The following ZIM2 variants were observed in gnomAD, a reference collection of about 807,000 sequenced individuals.
ZIM2 encodes the protein zinc finger imprinted 2.
Under a neutral mutation model 38.6 loss-of-function variants are expected in ZIM2, and 14 were observed. That is an observed-to-expected ratio of 0.36 (90% CI 0.24 to 0.57). The LOEUF is 0.57. Among genes scored for constraint, ZIM2 ranks in the 20% least tolerant of loss-of-function variants. ZIM2 has a pLI of 0.81. For synonymous variants in ZIM2, 247 were observed against 245.8 expected (o/e 1.00, Z -0.04); for missense variants, 680 against 695.1 (o/e 0.98, Z 0.24).
intron 9 of ZIM2, chr19:56,811,212 T>C (rs920045936): frequency 6.7e-5 from 65 of 969,940 alleles, no homozygotes; most frequent in Admixed American, 6.2e-5. Flanking sequence ...TAAAGAACAT[T>C]CAAGAAATTT....
chr19:56,823,720 C>T, intron 4 of ZIM2, 41 bp from the exon 5 acceptor site: 1 of 1,609,758 alleles, frequency 6.2e-7, no homozygotes, highest in East Asian at 2.2e-5. Context: ...CTCTGGCCCA[C>T]ATTCTCACAA....
chr19:56,816,181 G>C (rs1323449635), intron 9 of ZIM2: 1 of 1,614,006 alleles, frequency 6.2e-7, no homozygotes, highest in African/African-American at 1.3e-5. Flanking sequence ...ATAGGGGTTA[G>C]AGCTAATGGT....
chr19:56,839,578 G>C (rs1039002893), intron 1 of ZIM2, among the ~76,000 whole-genome samples: 1 of 151,896 alleles, frequency 6.6e-6, no homozygotes, highest in Non-Finnish European at 1.5e-5. Context: ...TGAGTGGATA[G>C]TTACCCAATC....
At chr19:56,788,093 G>C (rs899239720) in intron 10 of ZIM2, among the ~76,000 whole-genome samples, 1 of 139,168 alleles carries the variant, frequency 7.2e-6, no homozygotes, top group African/African-American at 2.7e-5. Context: ...TTTTTTTTTT[G>C]TCTGTATCTC....
intron 10 of ZIM2, chr19:56,782,381 TA>T (rs2046371647): frequency 4.1e-6 from 2 of 482,960 alleles, no homozygotes; most frequent in Non-Finnish European, 7.7e-6. Flanking sequence ...TGCAAATACT[TA>T]AAAGCTCAGC....
intron 6 of ZIM2, 71 bp from the exon 7 acceptor site, chr19:56,821,825 C>A: frequency 6.4e-7 from 1 of 1,551,408 alleles, no homozygotes; most frequent in South Asian, 1.1e-5. Context: ...TTGTCCCACT[C>A]AACTATGAAG....
rs372724937 is a variant in ZIM2 at position 56,814,764 on chromosome 19, T to A, written c.490+2982A>T. On this transcript the variant is annotated intron_variant, in intron 9 of 12. Transcript: ENST00000629319. This position sits in a 1 kb window ranked among gnomAD's most constrained non-coding sequence, Gnocchi z 5.8. ...TGAAGCCTTGTCCACACAAAAGGCA[T>A]CGAATGGCCGACCCAGCAAGAGCAG... The A allele has an allele frequency of 3.1e-6, 5 of 1,614,114 alleles. No individual in the cohort carries two copies. The African/African-American group carries it at 6.7e-5, about 22-fold the overall frequency.
At position 56,824,799 on chromosome 19, in the gene ZIM2, G is replaced by C. The variant is rs1287170220; in HGVS notation, c.-150-372C>G. The C allele has an allele frequency of 2.5e-5, 18 of 731,846 alleles. No individual in the cohort carries two copies. In the African/African-American group the frequency reaches 2.5e-4, roughly 10 times the overall value. 45.3% of individuals were successfully genotyped at this position (731,846 alleles called of 1,614,324 possible). On this transcript the variant is annotated intron_variant, in intron 3 of 12. Coordinates refer to ENST00000629319, the MANE Select transcript of ZIM2 (RefSeq NM_001387356.1). ...AGAAGTTGAAGACCAGGCAGCAGTG[G>C]AGGCCACCTTACCAGAGGCATCGAC...
intron 1 of ZIM2, among the ~76,000 whole-genome samples, chr19:56,837,819 T>C (rs1179199035): frequency 6.6e-6 from 1 of 152,088 alleles, no homozygotes; most frequent in African/African-American, 2.4e-5. Context: ...GCAGTACACC[T>C]CTGCTGCCCC....
intron 12 of ZIM2, among the ~76,000 whole-genome samples, chr19:56,777,896 C>T (rs982364577): frequency 2.6e-5 from 4 of 152,188 alleles, no homozygotes; most frequent in Non-Finnish European, 4.4e-5. Context: ...CTTCTATCTT[C>T]CACTTAACTC....
At chr19:56,832,305 C>T (rs947674273) in intron 2 of ZIM2, among the ~76,000 whole-genome samples, 1 of 152,162 alleles carries the variant, frequency 6.6e-6, no homozygotes, top group Non-Finnish European at 1.5e-5. Context: ...CAATCTCCCT[C>T]TGACCCTTAA....
intron 9 of ZIM2, chr19:56,799,621 A>T (rs961161988): frequency 6.6e-6 from 1 of 152,060 alleles, no homozygotes; most frequent in Non-Finnish European, 1.5e-5. Flanking sequence ...AGTTGGAAAT[A>T]AAAAAAACCC....
At chr19:56,782,781 G>C (rs2046391549) in intron 10 of ZIM2, among the ~76,000 whole-genome samples, 1 of 152,052 alleles carries the variant, frequency 6.6e-6, no homozygotes, top group South Asian at 2.1e-4. Context: ...GAGATGCTTT[G>C]ATACAGGCAG....
chr19:56,823,014 C>T (rs2060648834), intron 5 of ZIM2, among the ~76,000 whole-genome samples, 178 bp from the exon 6 acceptor site: 1 of 152,220 alleles, frequency 6.6e-6, no homozygotes, highest in Non-Finnish European at 1.5e-5. Context: ...CATATACCCG[C>T]AACATGGTTT....
At chr19:56,782,754 A>G (rs1471375124) in intron 10 of ZIM2, among the ~76,000 whole-genome samples, 1 of 152,112 alleles carries the variant, frequency 6.6e-6, no homozygotes, top group African/African-American at 2.4e-5. Context: ...GTACTTGTAT[A>G]TACTTACGGG....
At chr19:56,806,529 G>A (rs1379664216) in intron 9 of ZIM2, among the ~76,000 whole-genome samples, 1 of 152,180 alleles carries the variant, frequency 6.6e-6, no homozygotes, top group African/African-American at 2.4e-5. Context: ...CTAGCTGCAA[G>A]GGAAGCTGAG....
At chr19:56,784,625 T>C (rs1033049734) in intron 10 of ZIM2, among the ~76,000 whole-genome samples, 1 of 152,184 alleles carries the variant, frequency 6.6e-6, no homozygotes, top group Non-Finnish European at 1.5e-5. Context: ...TCTCATACTC[T>C]GTAACTATTA....
chr19:56,776,936 A>G (rs542931575), intron 12 of ZIM2, among the ~76,000 whole-genome samples: 5 of 152,316 alleles, frequency 3.3e-5, no homozygotes, highest in African/African-American at 1.2e-4. Flanking sequence ...AGATCTGTAG[A>G]TGAGGCTGGG....
At chr19:56,816,655 TGTTCAC>T in intron 9 of ZIM2, 1 of 1,612,368 alleles carries the variant, frequency 6.2e-7, no homozygotes, top group Non-Finnish European at 8.5e-7. Context: ...TTCACGTTCA[TGTTCAC>T]GCTCATTATC....
Sources: allele counts gnomAD v4.1 joint callset (sites outside exome capture counted in the v4.1 genomes callset), GRCh38; gene constraint gnomAD v4.1.1; non-coding constraint Gnocchi (gnomAD v3.1); transcripts MANE v1.5; gene names NCBI Gene and HGNC (gene_info 2026-07-23, HGNC 2026-07-21).